Variants in GNB1 observed in about 807,000 individuals in gnomAD.
GNB1 encodes G protein subunit beta 1.
In GNB1, 2 loss-of-function variants were observed where a neutral mutation model predicts 42.9. The observed-to-expected ratio is 0.05, with a 90% confidence interval of 0.02 to 0.15. GNB1 has a LOEUF of 0.15. Ranked by LOEUF, GNB1 falls within the 10% of genes least tolerant of loss-of-function variation. GNB1 has a pLI of 1.00. For synonymous variants in GNB1, 183 were observed against 174.7 expected (o/e 1.05, Z -0.38); for missense variants, 193 against 462.2 (o/e 0.42, Z 5.34).
chr1:1,847,452 A>T (rs1373545126), intron 1 of GNB1, among the ~76,000 whole-genome samples: 2 of 152,184 alleles, frequency 1.3e-5, no homozygotes, highest in Non-Finnish European at 2.9e-5. Context: ...GACGGCAATG[A>T]AGTGGTCTAC....
intron 1 of GNB1, among the ~76,000 whole-genome samples, chr1:1,857,234 T>C (rs919375196): frequency 2.7e-5 from 4 of 149,494 alleles, no homozygotes; most frequent in Non-Finnish European, 6.0e-5. Context: ...ATATGAGAGG[T>C]CCCAAGGAAA....
chr1:1,819,077 G>T (rs1285537710), intron 3 of GNB1, among the ~76,000 whole-genome samples: 1 of 151,968 alleles, frequency 6.6e-6, no homozygotes, highest in Non-Finnish European at 1.5e-5. Flanking sequence ...ATTACTAAGG[G>T]ATCAAAGTTA....
At chr1:1,830,237 CTTT>C (rs1441303792) in intron 2 of GNB1, among the ~76,000 whole-genome samples, 3 of 151,932 alleles carry the variant, frequency 2.0e-5, no homozygotes, top group Non-Finnish European at 2.9e-5. Flanking sequence ...TTTCTTTATA[CTTT>C]TCAGTTTCAA....
In GNB1 at chr1:1,837,182, CTG is replaced by C. The variant is rs142815288; in HGVS notation, c.-47+2006_-47+2007del. On this transcript the variant is annotated intron_variant, in intron 2 of 11. Coordinates refer to ENST00000378609, the MANE Select transcript of GNB1 (RefSeq NM_002074.5). ...CTATCTTTGATCTCACATCTAAAAACTGTTTGCTTAATTCAAAATCTCATTTT... is the reference window on the plus strand; with the variant it reads ...CTATCTTTGATCTCACATCTAAAAACTTTGCTTAATTCAAAATCTCATTTT... 8.3e-3 allele frequency among the ~76,000 whole-genome samples: 1,253 copies of C among 151,862 alleles called. 23 individuals are homozygous for C. Among genetic ancestry groups the C allele is most frequent in the African/African-American group, 0.029 (1,201 of 41,430 alleles).
chr1:1,885,120 C>T (rs527316112), intron 1 of GNB1, among the ~76,000 whole-genome samples: 122 of 151,778 alleles, frequency 8.0e-4, no homozygotes, highest in Admixed American at 1.1e-3. Flanking sequence ...ACAGAATAAA[C>T]TTAAAAATTA....
chr1:1,840,841 G>A (rs1647222372), intron 1 of GNB1, among the ~76,000 whole-genome samples: 1 of 152,136 alleles, frequency 6.6e-6, no homozygotes, highest in African/African-American at 2.4e-5. Flanking sequence ...TACTTCTGGT[G>A]GAATGAAAAT....
intron 1 of GNB1, among the ~76,000 whole-genome samples, chr1:1,854,283 G>A (rs1301860502): frequency 6.6e-6 from 1 of 152,234 alleles, no homozygotes; most frequent in African/African-American, 2.4e-5. Flanking sequence ...CCCAAGGACA[G>A]GGTGAACAGG....
At chr1:1,829,584 C>G (rs1647048215) in intron 2 of GNB1, among the ~76,000 whole-genome samples, 1 of 152,146 alleles carries the variant, frequency 6.6e-6, no homozygotes, top group African/African-American at 2.4e-5. Context: ...TTAAGGGAAG[C>G]AAACAACCTT....
At position 1,853,958 on chromosome 1, in the gene GNB1, A is replaced by G. The variant is rs549325424; in HGVS notation, c.-95-14720T>C. Among the ~76,000 whole-genome samples the G allele has an allele frequency of 5.9e-5, 9 of 152,288 alleles. No homozygotes were observed. The South Asian group carries it at 1.7e-3, about 28-fold the overall frequency. On this transcript the variant is annotated intron_variant, in intron 1 of 11. Coordinates refer to ENST00000378609, the MANE Select transcript of GNB1 (RefSeq NM_002074.5). ...AACATTTAACAATAAAGTGGCCTCA[A>G]TATCTGGGTTCGTATTTGTATGGCT...
At chr1:1,860,577 CAGCG>C (rs1378309513) in intron 1 of GNB1, among the ~76,000 whole-genome samples, 1 of 149,942 alleles carries the variant, frequency 6.7e-6, no homozygotes, top group African/African-American at 2.5e-5. Context: ...GCGGAGCTTG[CAGCG>C]AGCCGAGATC....
At chr1:1,862,448 T>G (rs2101663895) in intron 1 of GNB1, among the ~76,000 whole-genome samples, 1 of 152,154 alleles carries the variant, frequency 6.6e-6, no homozygotes, top group Non-Finnish European at 1.5e-5. Flanking sequence ...TACCCGGTAG[T>G]GTAAAGTACT....
rs941584152 is a variant in GNB1 at position 1,785,473 on chromosome 1, TTC to T, written c.*1588_*1589del. On this transcript the variant is annotated 3_prime_UTR_variant, in exon 12 of 12. Transcript: ENST00000378609. The stretch of plus-strand genomic sequence containing the variant: ...AGAGAAAGAAGGGGTTTCATTTGTA[TTC>T]TCTTTGCCAGATCCAGGCCTACCGC... 3.3e-5 allele frequency: 5 copies of T among 153,228 alleles called. No homozygotes were observed. Among genetic ancestry groups the T allele is most frequent in the Non-Finnish European group, 5.8e-5 (4 of 68,534 alleles). The allele number at this position is 153,228 out of a possible 1,614,324, so 9.5% of individuals were successfully genotyped here. A position where few individuals can be genotyped will look rare whatever the true frequency, so the allele number is the denominator to read the frequency against.
chr1:1,844,119 C>T (rs963836336), intron 1 of GNB1, among the ~76,000 whole-genome samples: 268 of 151,638 alleles, frequency 1.8e-3, no homozygotes, highest in African/African-American at 5.5e-3. Flanking sequence ...GGCGTGACCT[C>T]GGGAGGCAGA....
At chr1:1,792,804 G>A (rs1442515052) in intron 8 of GNB1, among the ~76,000 whole-genome samples, 2 of 151,938 alleles carry the variant, frequency 1.3e-5, no homozygotes, top group Non-Finnish European at 2.9e-5. Context: ...GGAGGCTCAC[G>A]CCTGTAATCC....
In GNB1 at chr1:1,793,271, G is replaced by A. The variant is rs747239027; in HGVS notation, c.471C>T (p.Ile157=). ...ACGTGGTGTCTCCAGAGCTGGTGAC[G>A]ATCTGATTGTCATCCAGGAATCGGC... ...SCCRFLDDNQ[I]VTSSGDTTCA... The change falls in exon 8 of 12, where the codon ATC becomes ATT. Residue 157 remains isoleucine, a synonymous_variant. Transcript: ENST00000378609. The A allele has an allele frequency of 6.2e-6, 10 of 1,613,060 alleles. No homozygotes were observed. The highest frequency in any genetic ancestry group is 8.5e-6 in the Non-Finnish European group (10 of 1,179,336).
At chr1:1,794,750 A>G (rs538904424) in intron 7 of GNB1, among the ~76,000 whole-genome samples, 4 of 152,196 alleles carry the variant, frequency 2.6e-5, no homozygotes, top group African/African-American at 9.6e-5. Context: ...GAGTGCAGTG[A>G]TGTGATCTCG....
intron 5 of GNB1, among the ~76,000 whole-genome samples, chr1:1,810,824 A>T (rs1446281816): frequency 2.0e-5 from 3 of 150,744 alleles, no homozygotes; most frequent in African/African-American, 7.3e-5. Context: ...CCCACCATGA[A>T]GCCTAGTTAA....
intron 2 of GNB1, 91 bp from the exon 3 acceptor site, chr1:1,825,590 C>T (rs750726822): frequency 1.2e-5 from 9 of 747,538 alleles, no homozygotes; most frequent in Non-Finnish European, 1.9e-5. Context: ...TTAAGGTGGG[C>T]GTGGTGGCTC....
intron 1 of GNB1, among the ~76,000 whole-genome samples, chr1:1,864,988 C>A (rs1648844681): frequency 6.6e-6 from 1 of 152,202 alleles, no homozygotes; most frequent in Non-Finnish European, 1.5e-5. Flanking sequence ...CCAGGCCAGG[C>A]GTGGTGGCTC....
Sources: gnomAD v4.1 joint callset for allele counts (sites outside exome capture counted in the v4.1 genomes callset) on GRCh38, gnomAD v4.1.1 for gene constraint, MANE v1.5 for transcripts, NCBI Gene and HGNC (gene_info 2026-07-23, HGNC 2026-07-21) for gene names.